Variants in BCAR3 observed in about 807,000 individuals in gnomAD.
The protein encoded by BCAR3 is BCAR3 adaptor protein, NSP family member.
Under a neutral mutation model 80.1 loss-of-function variants are expected in BCAR3, and 37 were observed. The ratio of observed to expected loss-of-function variants is 0.46; its 90% confidence interval spans 0.36 to 0.61. The LOEUF is 0.61. BCAR3 is among the 20% of genes least tolerant of loss of function. The pLI is 0.00. For missense variants in BCAR3, 978 were observed against 1,068.2 expected (o/e 0.92, Z 1.18); for synonymous variants, 389 against 418.9 (o/e 0.93, Z 0.87).
Position 93,582,795 on chromosome 1 carries a change from G to A in BCAR3, c.1192C>T (p.Gln398Ter). The A allele has an allele frequency of 6.2e-7, 1 of 1,614,074 alleles. No individual in the cohort carries two copies. The highest frequency in any genetic ancestry group is 8.5e-7 in the Non-Finnish European group (1 of 1,180,028). ...AGEALRGSDSQLCPKPPPKPC... is the reference protein window; with the variant it reads ...AGEALRGSDS ...TTAGGCGGGGGCTTAGGGCACAGTT[G>A]ACTGTCTGATCCCCTCAGCGCCTCC... The change falls in exon 7 of 12, where the codon CAA becomes TAA. Residue 398 changes from glutamine to a stop codon, truncating the protein, a stop_gained. Coordinates refer to ENST00000260502, the MANE Select transcript of BCAR3 (RefSeq NM_003567.4). LOFTEE classifies it high-confidence loss of function.
intron 2 of BCAR3, among the ~76,000 whole-genome samples, chr1:93,723,833 C>G (rs1358546836): frequency 6.6e-6 from 1 of 152,140 alleles, no homozygotes; most frequent in Non-Finnish European, 1.5e-5. Flanking sequence ...TGCAGGGCCT[C>G]TCGGCAGTTC....
At chr1:93,640,986 T>A (rs1375830515) in intron 3 of BCAR3, among the ~76,000 whole-genome samples, 1 of 152,192 alleles carries the variant, frequency 6.6e-6, no homozygotes, top group African/African-American at 2.4e-5. Context: ...GCAAATAGCA[T>A]CCTCTAATAC....
chr1:93,676,233 T>G (rs998653946), intron 1 of BCAR3, among the ~76,000 whole-genome samples: 2 of 152,118 alleles, frequency 1.3e-5, no homozygotes, highest in African/African-American at 4.8e-5. Flanking sequence ...ACTTGGGACG[T>G]GGTTTGAAGA....
chr1:93,737,190 A>G (rs1651003219), intron 2 of BCAR3, among the ~76,000 whole-genome samples: 1 of 152,218 alleles, frequency 6.6e-6, no homozygotes, highest in Non-Finnish European at 1.5e-5. Context: ...AAAGCAGAAC[A>G]GTGGTGATGG....
intron 2 of BCAR3, among the ~76,000 whole-genome samples, chr1:93,755,260 AAAAT>A (rs1463585370): frequency 6.6e-6 from 1 of 152,216 alleles, no homozygotes; most frequent in Non-Finnish European, 1.5e-5. Context: ...TGAAGAAAGA[AAAAT>A]AAAGTTTTAA....
Position 93,782,928 on chromosome 1 carries a change from T to C in BCAR3, c.-63+62639A>G, listed in dbSNP as rs75043317. On this transcript the variant is annotated intron_variant, in intron 2 of 13. Coordinates refer to the BCAR3 transcript ENST00000370244. ...ACACATACAACCAACAAAGAATTAG[T>C]ATCCAGAATATATAAATAATGCCTA... 8.9e-3 allele frequency among the ~76,000 whole-genome samples: 1,359 copies of C among 152,266 alleles called. 18 individuals are homozygous for C. The highest frequency in any genetic ancestry group is 0.032 in the African/African-American group (1,316 of 41,544).
Position 93,823,949 on chromosome 1 carries a change from C to A in BCAR3, c.-63+21618G>T, listed in dbSNP as rs1230015961. Among the ~76,000 whole-genome samples, 15 of 133,700 alleles carry A rather than the reference C, an allele frequency of 1.1e-4. 5 individuals are homozygous for A. In the Admixed American group the frequency reaches 1.2e-3, roughly 10 times the overall value. 87.7% of individuals were successfully genotyped at this position (133,700 alleles called of 152,430 possible). A position where few individuals can be genotyped will look rare whatever the true frequency, so the allele number is the denominator to read the frequency against. On this transcript the variant is annotated intron_variant, in intron 2 of 13. Coordinates refer to the BCAR3 transcript ENST00000370244. ...TCCTGACCTCGTGATCCACCCTCCT[C>A]GGCCTCCCAAAGTGCTAGGATTACA...
At chr1:93,813,237 C>T (rs1204164748) in intron 2 of BCAR3, among the ~76,000 whole-genome samples, 3 of 151,986 alleles carry the variant, frequency 2.0e-5, no homozygotes, top group East Asian at 1.9e-4. Flanking sequence ...AAGCAAAGGC[C>T]GTCTCATAGG....
chr1:93,645,355 T>C (rs912166758), intron 2 of BCAR3, among the ~76,000 whole-genome samples: 11 of 152,166 alleles, frequency 7.2e-5, no homozygotes, highest in Non-Finnish European at 2.9e-5. Flanking sequence ...GAGTACTCTG[T>C]AGGTTTTATG....
At chr1:93,666,992 C>T (rs1050387482) in intron 2 of BCAR3, among the ~76,000 whole-genome samples, 1 of 152,192 alleles carries the variant, frequency 6.6e-6, no homozygotes, top group African/African-American at 2.4e-5. Flanking sequence ...GTCTGAGCCT[C>T]CTCTATGCCA....
chr1:93,631,862 T>A (rs987702388), intron 3 of BCAR3, among the ~76,000 whole-genome samples: 14 of 152,126 alleles, frequency 9.2e-5, no homozygotes, highest in Non-Finnish European at 1.8e-4. Context: ...AACCATCAAG[T>A]TCAGGAGGCC....
intron 3 of BCAR3, among the ~76,000 whole-genome samples, chr1:93,690,119 C>T (rs1023694172): frequency 4.6e-5 from 7 of 152,102 alleles, no homozygotes; most frequent in African/African-American, 1.7e-4. Flanking sequence ...AGCTGTGAAA[C>T]GTTAGGTGAA....
chr1:93,679,507 A>C (rs1648653819), intron 1 of BCAR3, among the ~76,000 whole-genome samples: 1 of 152,244 alleles, frequency 6.6e-6, no homozygotes, highest in African/African-American at 2.4e-5. Context: ...AAAAAAGCCC[A>C]GGTGAGACTC....
intron 3 of BCAR3, chr1:93,614,262 C>T (rs1002317016): frequency 2.6e-5 from 16 of 620,668 alleles, no homozygotes; most frequent in African/African-American, 8.0e-5. Flanking sequence ...TTTAGCTGTC[C>T]CCTCAATTTA....
At chr1:93,738,025 G>A (rs529716896) in intron 2 of BCAR3, among the ~76,000 whole-genome samples, 1 of 152,156 alleles carries the variant, frequency 6.6e-6, no homozygotes, top group East Asian at 1.9e-4. Context: ...TTAAAGACGG[G>A]GTCTTGCTTT....
At chr1:93,831,800 G>A (rs754758557) in intron 2 of BCAR3, among the ~76,000 whole-genome samples, 9 of 151,976 alleles carry the variant, frequency 5.9e-5, no homozygotes, top group East Asian at 1.9e-4. Flanking sequence ...CATCCTGTCC[G>A]GCTTACTGTT....
chr1:93,764,634 GGA>G (rs1652077808), intron 2 of BCAR3, among the ~76,000 whole-genome samples: 1 of 152,044 alleles, frequency 6.6e-6, no homozygotes, highest in Non-Finnish European at 1.5e-5. Context: ...ATCGCTACCA[GGA>G]GACCTGGCTC....
chr1:93,618,499 A>C (rs925704759), intron 3 of BCAR3, among the ~76,000 whole-genome samples: 5 of 152,222 alleles, frequency 3.3e-5, no homozygotes, highest in African/African-American at 1.2e-4. Flanking sequence ...TGTTTCTCTA[A>C]CTAGCTATTA....
At chr1:93,647,782 T>A (rs35972761) in intron 2 of BCAR3, among the ~76,000 whole-genome samples, 1 of 151,774 alleles carries the variant, frequency 6.6e-6, no homozygotes, top group South Asian at 2.1e-4. Context: ...TCTTGAAATA[T>A]GTTTTTTTTT....
Sources: gnomAD v4.1 joint callset for allele counts (sites outside exome capture counted in the v4.1 genomes callset) on GRCh38, gnomAD v4.1.1 for gene constraint, MANE v1.5 for transcripts, NCBI Gene and HGNC (gene_info 2026-07-23, HGNC 2026-07-21) for gene names.